The following LAMP3 variants were observed in gnomAD, a reference collection of about 807,000 sequenced individuals.
The protein encoded by LAMP3 is lysosome associated membrane protein 3, also known as lysosome-associated membrane glycoprotein 3.
Under a neutral mutation model 34.8 loss-of-function variants are expected in LAMP3, and 26 were observed. That is an observed-to-expected ratio of 0.75 (90% confidence interval 0.55 to 1.04). LAMP3 has a LOEUF of 1.04. Ranked by LOEUF, LAMP3 falls within the 50% of genes least tolerant of loss-of-function variation. The pLI, the probability that LAMP3 is intolerant of heterozygous loss-of-function variation, is 0.00. For missense variants in LAMP3, 495 were observed against 524.0 expected (o/e 0.94, Z 0.54); for synonymous variants, 180 against 201.9 (o/e 0.89, Z 0.92).
chr3:183,129,579 T>C (rs1719859463), intron 5 of LAMP3, among the ~76,000 whole-genome samples: 1 of 152,188 alleles, frequency 6.6e-6, no homozygotes, highest in Admixed American at 6.6e-5. Context: ...CTATACATTA[T>C]GCAGTGTATT....
rs1485726644 is a variant in LAMP3 at position 183,153,840 on chromosome 3, T to C, written c.601A>G (p.Thr201Ala). 2.0e-5 allele frequency: 32 copies of C among 1,607,982 alleles called. No homozygotes were observed. Among genetic ancestry groups the C allele is most frequent in the Non-Finnish European group, 2.6e-5 (31 of 1,176,634 alleles). ...GAGGCAGGTGCAGCTGTGCGGGTGG[T>C]ATTGTGGGCAGCTGCCGTTGTTCCT... ...APGTTAAAHN[T>A]TRTAAPASTV... Residue 201 changes from threonine to alanine, a missense_variant, in exon 2 of 6, where the codon ACC becomes GCC. Coordinates refer to ENST00000265598, the MANE Select transcript of LAMP3 (RefSeq NM_014398.4).
At chr3:183,153,189 A>G (rs1051549157) in intron 2 of LAMP3, among the ~76,000 whole-genome samples, 2 of 151,520 alleles carry the variant, frequency 1.3e-5, no homozygotes, top group Non-Finnish European at 1.5e-5. Flanking sequence ...AAAAAAAAAA[A>G]AAAGAAAGAA....
At chr3:183,154,486 C>A (rs1011540971) in intron 1 of LAMP3, 95 bp from the exon 2 acceptor site, 3 of 936,270 alleles carry the variant, frequency 3.2e-6, no homozygotes, top group Non-Finnish European at 4.8e-6. Context: ...CATAAAAAAA[C>A]CTAACATGCA....
chr3:183,127,333 C>A (rs1382199389), intron 5 of LAMP3, among the ~76,000 whole-genome samples: 3 of 152,192 alleles, frequency 2.0e-5, no homozygotes, highest in African/African-American at 7.2e-5. Flanking sequence ...GGGGTCCTTA[C>A]TATGTTGCTC....
rs1043748085 is a variant in LAMP3 at position 183,143,835 on chromosome 3, CT to C, written c.889-3241del. 2.0e-5 allele frequency among the ~76,000 whole-genome samples: 3 copies of C among 152,138 alleles called. No homozygotes were observed. In the South Asian group the frequency reaches 6.2e-4, roughly 31 times the overall value. The stretch of plus-strand genomic sequence containing the variant: ...AGGAAATAAAATCGTCTTTGGTAAA[CT>C]TTTTTCCAGAAATATTTTAGGCTCT... On this transcript the variant is annotated intron_variant, in intron 3 of 5. Transcript: ENST00000265598.
At chr3:183,137,079 A>G in intron 4 of LAMP3, among the ~76,000 whole-genome samples, 1 of 152,136 alleles carries the variant, frequency 6.6e-6, no homozygotes. Flanking sequence ...GCACTTTGGG[A>G]GGCTGAGGCA....
intron 1 of LAMP3, among the ~76,000 whole-genome samples, chr3:183,156,093 C>T (rs1288990538): frequency 6.6e-6 from 1 of 152,194 alleles, no homozygotes; most frequent in South Asian, 2.1e-4. Context: ...GGCGCGGTGG[C>T]TCACGCCTGT....
intron 3 of LAMP3, among the ~76,000 whole-genome samples, chr3:183,151,588 C>T (rs484095): frequency 0.8 from 121,902 of 151,742 alleles, 49,053 homozygotes; most frequent in Non-Finnish European, 0.83. Flanking sequence ...CCACCATGCC[C>T]GGCTAATATT....
At chr3:183,162,518 T>A in intron 1 of LAMP3, 89 bp downstream of exon 1, 1 of 1,334,126 alleles carries the variant, frequency 7.5e-7, no homozygotes, top group Non-Finnish European at 1.0e-6. Context: ...CCGCAGCCCG[T>A]CCTGTGGCGC....
At position 183,158,491 on chromosome 3, in the gene LAMP3, CCCCAG is replaced by C. The variant is rs1169800766; in HGVS notation, c.50-4105_50-4101del. Among the ~76,000 whole-genome samples, 3 of 149,260 alleles carry C rather than the reference CCCCAG, an allele frequency of 2.0e-5. No homozygotes were observed. In the Admixed American group the frequency reaches 2.0e-4, roughly 10 times the overall value. ...ATCTGCCCACCCCCACCCCACCCCA[CCCCAG>C]CCTCCCCTCTCCAAAATTCAGGAGA... On this transcript the variant is annotated intron_variant, in intron 1 of 5. Transcript: ENST00000265598.
chr3:183,136,766 C>T (rs763282361), intron 4 of LAMP3, among the ~76,000 whole-genome samples: 2 of 151,550 alleles, frequency 1.3e-5, no homozygotes, highest in African/African-American at 2.4e-5. Context: ...GGGAGAGAAA[C>T]CTGCCTAAGG....
rs1553873884 is a variant in LAMP3, at chr3:183,126,563, T to TGCGC, written c.1118-2350_1118-2349insGCGC. Among the ~76,000 whole-genome samples the TGCGC allele has an allele frequency of 1.4e-3, 203 of 149,160 alleles. 27 individuals are homozygous for TGCGC. The South Asian group carries it at 0.014, about 10-fold the overall frequency. Reference sequence around the variant, plus strand: ...GTGTGTGTGTGTGTGTGTGTGTGTGTGCACACGTGTGCATGTGTGCAAACT... The same window carrying TGCGC: ...GTGTGTGTGTGTGTGTGTGTGTGTGTGCGCGCACACGTGTGCATGTGTGCAAACT... On this transcript the variant is annotated intron_variant, in intron 5 of 5. Transcript: ENST00000265598.
rs73886241 is a variant in LAMP3 at position 183,134,169 on chromosome 3, C to G, written c.1117+1548G>C. Among the ~76,000 whole-genome samples the G allele has an allele frequency of 1.3e-3, 199 of 152,188 alleles. 2 individuals are homozygous for G. The highest frequency in any genetic ancestry group is 4.4e-3 in the African/African-American group (181 of 41,526). ...CTAAGAAGATGGCGTTGAGTTGATA[C>G]GGTGACAGTGGGAGAACAAGGGGAA... On this transcript the variant is annotated intron_variant, in intron 5 of 5. Coordinates refer to ENST00000265598, the MANE Select transcript of LAMP3 (RefSeq NM_014398.4).
chr3:183,150,565 CTTTTTTTTTT>C (rs10665288), intron 3 of LAMP3, among the ~76,000 whole-genome samples: 10 of 86,092 alleles, frequency 1.2e-4, no homozygotes, highest in East Asian at 3.5e-4. Context: ...GCCAAAGTGA[CTTTTTTTTTT>C]TTTTTTTTTT....
intron 1 of LAMP3, among the ~76,000 whole-genome samples, chr3:183,156,021 C>T (rs1474497087): frequency 6.6e-6 from 1 of 152,180 alleles, no homozygotes; most frequent in Admixed American, 6.5e-5. Flanking sequence ...ACAGGTCTAT[C>T]CTTGCCTCCT....
chr3:183,162,692 A>G lies in LAMP3; in HGVS notation c.-37T>C, dbSNP rs3811729. On this transcript the variant is annotated 5_prime_UTR_variant, in exon 1 of 6. Coordinates refer to ENST00000265598, the MANE Select transcript of LAMP3 (RefSeq NM_014398.4). ...GGCGAGGTTCTGCAGCGTGCGGCGA[A>G]GTCCGGGCAGGCCCCGAATCGGTGC... The G allele has an allele frequency of 0.089, 132,414 of 1,493,574 alleles. 6,220 individuals are homozygous for G. Among genetic ancestry groups the G allele is most frequent in the Middle Eastern group, 0.13 (727 of 5,698 alleles). The allele number at this position is 1,493,574 out of a possible 1,614,324, so 92.5% of individuals were successfully genotyped here. A position where few individuals can be genotyped will look rare whatever the true frequency, so the allele number is the denominator to read the frequency against.
intron 4 of LAMP3, among the ~76,000 whole-genome samples, chr3:183,137,189 G>A (rs1278631319): frequency 1.3e-5 from 2 of 151,518 alleles, no homozygotes; most frequent in Non-Finnish European, 2.9e-5. Flanking sequence ...ATGGAGGTGG[G>A]CACATGCAAT....
chr3:183,142,999 A>C (rs190958639), intron 3 of LAMP3, among the ~76,000 whole-genome samples: 13 of 152,124 alleles, frequency 8.5e-5, no homozygotes, highest in Non-Finnish European at 1.6e-4. Context: ...GCTCACATTC[A>C]CTCTGAGTTC....
chr3:183,136,748 G>T (rs1435730136), intron 4 of LAMP3, among the ~76,000 whole-genome samples: 1 of 151,248 alleles, frequency 6.6e-6, no homozygotes, highest in African/African-American at 2.4e-5. Flanking sequence ...CCTTCTGATC[G>T]CCACCTGGGG....
Sources: gnomAD v4.1 joint callset for allele counts (sites outside exome capture counted in the v4.1 genomes callset) on GRCh38, gnomAD v4.1.1 for gene constraint, MANE v1.5 for transcripts, NCBI Gene and HGNC (gene_info 2026-07-23, HGNC 2026-07-21) for gene names.